TAF5: variants seen among roughly 807,000 people sequenced by gnomAD.
TAF5 encodes the protein TATA-box binding protein associated factor 5.
TAF5 carries 20 observed loss-of-function variants against 80.9 expected under a neutral mutation model. The ratio of observed to expected loss-of-function variants is 0.25; its 90% CI spans 0.17 to 0.36. The LOEUF is 0.36. Among genes scored for constraint, TAF5 ranks in the 10% least tolerant of loss-of-function variants. The pLI, the probability that TAF5 is intolerant of heterozygous loss-of-function variation, is 1.00. For missense variants in TAF5, 863 were observed against 1,029.4 expected, an observed-to-expected ratio of 0.84 and a Z score of 2.21; for synonymous variants, 388 against 406.4, an observed-to-expected ratio of 0.95 and a Z score of 0.55.
In TAF5 at chr10:103,368,264, A is replaced by G. The variant is rs372738081; in HGVS notation, c.275A>G (p.His92Arg). ...GCTGCTCCGGACGCCGGCGCTCCGC[A>G]TGACCGACAGACTCTACTGGCCGTG... ...PAAAPDAGAP[H>R]DRQTLLAVLQ... Residue 92 changes from histidine to arginine, a missense_variant, in exon 1 of 11, where the codon CAT (histidine) becomes CGT (arginine). By Grantham distance (29) the His-to-Arg change is conservative (BLOSUM62 0). This residue lies in a region of TAF5 where 367 missense variants were observed against 335.5 expected (regional missense o/e 1.09). Transcript: ENST00000369839. The G allele has an allele frequency of 1.3e-5, 20 of 1,543,784 alleles. No individual in the cohort carries two copies. In the African/African-American group the frequency reaches 2.7e-4, roughly 21 times the overall value.
In TAF5 at chr10:103,368,057, T is replaced by C; in HGVS notation, c.68T>C (p.Leu23Pro). The C allele has an allele frequency of 7.0e-7, 1 of 1,435,134 alleles. No individual in the cohort carries two copies. The highest frequency in any genetic ancestry group is 1.4e-5 in the South Asian group (1 of 71,846). The allele number at this position is 1,435,134 out of a possible 1,614,324, so 88.9% of individuals were successfully genotyped here. Residue 23 changes from leucine to proline, a missense_variant, in exon 1 of 11, where the codon CTG becomes CCG. Physicochemically the swap from Leu to Pro is moderately conservative, Grantham distance 98. This residue lies in a region of TAF5 where 367 missense variants were observed against 335.5 expected (regional missense o/e 1.09). Coordinates refer to ENST00000369839, the MANE Select transcript of TAF5 (RefSeq NM_006951.5). Reference protein sequence around the residue: ...VKLEPEGPPTLLPPQAGDGAG... With the variant: ...VKLEPEGPPTPLPPQAGDGAG... ...CTAGAGCCTGAGGGACCGCCAACGCTGCTACCTCCGCAGGCGGGGGACGGC... is the reference window on the plus strand; with the variant it reads ...CTAGAGCCTGAGGGACCGCCAACGCCGCTACCTCCGCAGGCGGGGGACGGC...
chr10:103,376,117 G>A (rs2093369475), intron 2 of TAF5, among the ~76,000 whole-genome samples: 1 of 149,654 alleles, frequency 6.7e-6, no homozygotes, highest in South Asian at 2.1e-4. Flanking sequence ...TTGAGATGGA[G>A]TTTTGCTCTT....
At chr10:103,371,321 G>A (rs2093359175) in intron 1 of TAF5, among the ~76,000 whole-genome samples, 1 of 151,586 alleles carries the variant, frequency 6.6e-6, no homozygotes, top group African/African-American at 2.4e-5. Context: ...GAATTATATT[G>A]TTGGTTATTT....
At chr10:103,376,695 A>G (rs1051095871) in intron 2 of TAF5, among the ~76,000 whole-genome samples, 2 of 152,126 alleles carry the variant, frequency 1.3e-5, no homozygotes, top group Non-Finnish European at 2.9e-5. Flanking sequence ...ACTGTCACTT[A>G]AAAAAACAAA....
In TAF5 at chr10:103,387,958, T is replaced by C. The variant is rs187488792; in HGVS notation, c.2186-48T>C. On this transcript the variant is annotated intron_variant, in intron 10 of 10. Transcript: ENST00000369839. ...TAGTGTAGTGGACAAAATGTCCGAA[T>C]GTAAATATGATGGATGCAACTAATG... 604 of 1,546,160 alleles carry C rather than the reference T, an allele frequency of 3.9e-4. 1 individual carries two copies. The highest frequency in any genetic ancestry group is 6.5e-4 in the Admixed American group (38 of 58,564).
At chr10:103,369,658 C>A (rs529262161) in intron 1 of TAF5, among the ~76,000 whole-genome samples, 2 of 152,054 alleles carry the variant, frequency 1.3e-5, no homozygotes, top group African/African-American at 4.8e-5. Context: ...CCACCGCACC[C>A]GGCTGAAATT....
intron 8 of TAF5, 85 bp from the exon 9 acceptor site, chr10:103,387,090 T>A: frequency 1.5e-6 from 2 of 1,353,448 alleles, no homozygotes; most frequent in South Asian, 3.1e-5. Flanking sequence ...TATGTGGATG[T>A]TTCTGTATTT....
At chr10:103,386,730 C>G (rs944422545) in intron 8 of TAF5, among the ~76,000 whole-genome samples, 1 of 149,026 alleles carries the variant, frequency 6.7e-6, no homozygotes, top group African/African-American at 2.5e-5. Flanking sequence ...GTGTCGCCAT[C>G]TCGGCTCACT....
chr10:103,385,589 A>G (rs2093394032), intron 8 of TAF5, 99 bp downstream of exon 8: 2 of 1,317,304 alleles, frequency 1.5e-6, no homozygotes. Flanking sequence ...CACTTCCATT[A>G]TTGAGGTTCA....
chr10:103,383,023 G>A (rs529740835), intron 6 of TAF5, among the ~76,000 whole-genome samples: 1 of 152,172 alleles, frequency 6.6e-6, no homozygotes, highest in African/African-American at 2.4e-5. Flanking sequence ...ACACTGAGTA[G>A]CTGTGTGCAC....
chr10:103,380,617 ATTT>A (rs1344591567), intron 5 of TAF5, among the ~76,000 whole-genome samples: 1 of 144,398 alleles, frequency 6.9e-6, no homozygotes, highest in Non-Finnish European at 1.5e-5. Context: ...TTATTTATCA[ATTT>A]TTTTTTTTTT....
intron 8 of TAF5, among the ~76,000 whole-genome samples, chr10:103,386,288 C>T (rs1027475466): frequency 6.6e-6 from 1 of 151,260 alleles, no homozygotes. Context: ...AAAAAAAAAA[C>T]AAAAATTAGC....
chr10:103,371,959 A>G (rs1032752864), intron 1 of TAF5, among the ~76,000 whole-genome samples: 4 of 147,672 alleles, frequency 2.7e-5, no homozygotes, highest in African/African-American at 5.0e-5. Context: ...TTTTTTTGAG[A>G]CGGAGTCTTG....
rs117333130 is a variant in TAF5, at chr10:103,375,176, A to G, written c.797+1581A>G. On this transcript the variant is annotated intron_variant, in intron 2 of 10. Transcript: ENST00000369839. ...GGAGGCATTTTTGGTTGTCATAATG[A>G]CTGGGCGGAGGAGCAGGAATACTAA... Among the ~76,000 whole-genome samples, 1,134 of 151,766 alleles carry G rather than the reference A, an allele frequency of 7.5e-3. 20 individuals are homozygous for G. Among genetic ancestry groups the G allele is most frequent in the South Asian group, 0.074 (356 of 4,808 alleles).
rs1280597685 is a variant in TAF5, at chr10:103,378,942, G to A, written c.1113+392G>A. ...CCCAAAGTGCTGGCATAACAGGCGTGAGCTACTGCGCCTGGCCGCTTGGAA... is the reference window on the plus strand; with the variant it reads ...CCCAAAGTGCTGGCATAACAGGCGTAAGCTACTGCGCCTGGCCGCTTGGAA... On this transcript the variant is annotated intron_variant, in intron 3 of 10. Transcript: ENST00000369839. The surrounding 1 kb of genome is among the most constrained non-coding windows in gnomAD (Gnocchi z 4.1). Among the ~76,000 whole-genome samples, 1 of 152,300 alleles carries A rather than the reference G, an allele frequency of 6.6e-6. No individual in the cohort carries two copies. The highest frequency in any genetic ancestry group is 2.1e-4 in the South Asian group (1 of 4,822).
At chr10:103,375,359 G>T (rs2093368166) in intron 2 of TAF5, among the ~76,000 whole-genome samples, 1 of 152,108 alleles carries the variant, frequency 6.6e-6, no homozygotes, top group South Asian at 2.1e-4. Context: ...GGCTAGGGAG[G>T]TGAGGGAGAT....
At chr10:103,370,273 A>G (rs1377868951) in intron 1 of TAF5, among the ~76,000 whole-genome samples, 1 of 149,640 alleles carries the variant, frequency 6.7e-6, no homozygotes, top group Non-Finnish European at 1.5e-5. Context: ...GTCAGGAGGC[A>G]GGTCATTCTC....
chr10:103,381,932 A>G (rs2093383950), intron 6 of TAF5, 91 bp downstream of exon 6: 5 of 1,515,732 alleles, frequency 3.3e-6, no homozygotes, highest in South Asian at 1.2e-5. Flanking sequence ...TGTGTTCTTT[A>G]CAGAAATTCA....
chr10:103,388,085 C>T lies in TAF5; in HGVS notation c.2265C>T (p.Ala755=). 2 of 1,614,048 alleles carry T rather than the reference C, an allele frequency of 1.2e-6. No individual in the cohort carries two copies. Among genetic ancestry groups the T allele is most frequent in the Non-Finnish European group, 1.7e-6 (2 of 1,179,958 alleles). Residue 755 remains alanine (A), a synonymous_variant, in exon 11 of 11, where the codon GCC becomes GCT. Coordinates refer to ENST00000369839, the MANE Select transcript of TAF5 (RefSeq NM_006951.5). The part of the protein sequence containing the change: ...EDLETDDFTT[A]TGHINLPENS... ...TAGAGACCGATGACTTTACTACAGCCACTGGGCATATAAATTTACCTGAGA... is the reference window on the plus strand; with the variant it reads ...TAGAGACCGATGACTTTACTACAGCTACTGGGCATATAAATTTACCTGAGA...
Sources: gnomAD v4.1 joint callset for allele counts (sites outside exome capture counted in the v4.1 genomes callset) on GRCh38, gnomAD v4.1.1 for gene constraint, gnomAD v4.1.1 regional missense constraint, Gnocchi (gnomAD v3.1) non-coding constraint, MANE v1.5 for transcripts, NCBI Gene and HGNC (gene_info 2026-07-23, HGNC 2026-07-21) for gene names.